ADGRD1: variants seen among roughly 807,000 people sequenced by gnomAD.
ADGRD1 encodes the protein G-protein coupled receptor 133.
Under a neutral mutation model 113.4 loss-of-function variants are expected in ADGRD1, and 77 were observed. The observed-to-expected ratio is 0.68, with a 90% CI of 0.57 to 0.82. The LOEUF is 0.82. Among genes scored for constraint, ADGRD1 ranks in the 40% least tolerant of loss-of-function variants. ADGRD1 has a pLI of 0.00. For synonymous variants in ADGRD1, 474 were observed against 475.0 expected (o/e 1.00, Z 0.03); for missense variants, 1,036 against 1,139.1 (o/e 0.91, Z 1.30).
chr12:131,084,702 C>T lies in ADGRD1; in HGVS notation c.1671+39C>T, dbSNP rs755732953. 26 of 1,608,990 alleles carry T rather than the reference C, an allele frequency of 1.6e-5. No individual in the cohort carries two copies. Among genetic ancestry groups the T allele is most frequent in the East Asian group, 1.6e-4 (7 of 44,742 alleles). Reference sequence around the variant, plus strand: ...CTCAGGGGTCGCGGGACCTGGGGGACGTACCATGAGGCTGCAGGTGGGGGC... The same window carrying T: ...CTCAGGGGTCGCGGGACCTGGGGGATGTACCATGAGGCTGCAGGTGGGGGC... On this transcript the variant is annotated intron_variant, in intron 15 of 24. Transcript: ENST00000261654. This position sits in a 1 kb window ranked among gnomAD's most constrained non-coding sequence, Gnocchi z 4.5.
At chr12:131,028,601 C>G (rs571153908) in intron 13 of ADGRD1, among the ~76,000 whole-genome samples, 2 of 152,284 alleles carry the variant, frequency 1.3e-5, no homozygotes, top group East Asian at 3.9e-4. Flanking sequence ...TCCTTCTCTG[C>G]TTGTTTCTGT....
chr12:131,136,458 G>A (rs1951088689), intron 22 of ADGRD1, among the ~76,000 whole-genome samples: 1 of 152,202 alleles, frequency 6.6e-6, no homozygotes, highest in African/African-American at 2.4e-5. Flanking sequence ...GGAAAGAAAG[G>A]CAGAGAGGTG....
intron 18 of ADGRD1, among the ~76,000 whole-genome samples, chr12:131,116,699 C>G (rs1276179634): frequency 6.6e-6 from 1 of 152,180 alleles, no homozygotes; most frequent in African/African-American, 2.4e-5. Context: ...CCGAGATGTG[C>G]CAGGAGCTGT....
At chr12:131,103,889 C>T (rs1025228214) in intron 15 of ADGRD1, among the ~76,000 whole-genome samples, 3 of 152,184 alleles carry the variant, frequency 2.0e-5, no homozygotes, top group Admixed American at 1.3e-4. Context: ...CCCTCCTGCA[C>T]GTGAGCAGCT....
At chr12:131,103,269 T>C (rs1008517651) in intron 15 of ADGRD1, among the ~76,000 whole-genome samples, 5 of 152,258 alleles carry the variant, frequency 3.3e-5, no homozygotes, top group Admixed American at 6.5e-5. Context: ...GCTGGTGTCA[T>C]GGCAACAGCT....
At chr12:131,030,127 CGGT>C (rs754649827) in intron 13 of ADGRD1, among the ~76,000 whole-genome samples, 12 of 129,258 alleles carry the variant, frequency 9.3e-5, no homozygotes, top group African/African-American at 1.6e-4. Flanking sequence ...ACCCTTCATA[CGGT>C]GACATTCCCA....
rs1452598410 is a variant in ADGRD1 at position 131,084,527 on chromosome 12, C to T, written c.1548-13C>T. The T allele has an allele frequency of 2.5e-6, 4 of 1,613,940 alleles. No homozygotes were observed. The highest frequency in any genetic ancestry group is 1.7e-5 in the Admixed American group (1 of 60,024). The stretch of plus-strand genomic sequence containing the variant: ...GGTGCTACCTCCTCTGATCCTTTCT[C>T]CTGTGTCCTCAGCTCCGGAGAAGGG... On this transcript the variant is annotated splice_polypyrimidine_tract_variant and intron_variant, in intron 14 of 24. Coordinates refer to ENST00000261654, the MANE Select transcript of ADGRD1 (RefSeq NM_198827.5). This position sits in a 1 kb window ranked among gnomAD's most constrained non-coding sequence, Gnocchi z 4.5.
At chr12:131,121,154 G>C (rs1468186690) in intron 20 of ADGRD1, among the ~76,000 whole-genome samples, 1 of 152,218 alleles carries the variant, frequency 6.6e-6, no homozygotes, top group Non-Finnish European at 1.5e-5. Flanking sequence ...TCTTCCAGTC[G>C]AGGCGGCAGG....
chr12:130,990,219 G>A (rs1384224873), intron 6 of ADGRD1: 1 of 152,208 alleles, frequency 6.6e-6, no homozygotes, highest in African/African-American at 2.4e-5. Context: ...CACACCTTCT[G>A]CGTTCACCAG....
chr12:131,062,962 T>G (rs914025108), intron 13 of ADGRD1, among the ~76,000 whole-genome samples: 1 of 152,242 alleles, frequency 6.6e-6, no homozygotes, highest in Non-Finnish European at 1.5e-5. Context: ...TGGTCTTAAT[T>G]TGAATTTTCC....
At chr12:131,066,924 C>T (rs146840167) in intron 13 of ADGRD1, among the ~76,000 whole-genome samples, 14 of 152,274 alleles carry the variant, frequency 9.2e-5, no homozygotes, top group Non-Finnish European at 1.6e-4. Context: ...CTCGGCTTTC[C>T]CCTGAGTAAG....
At chr12:131,061,282 G>A (rs572371883) in intron 13 of ADGRD1, among the ~76,000 whole-genome samples, 6 of 152,276 alleles carry the variant, frequency 3.9e-5, no homozygotes, top group South Asian at 2.1e-4. Context: ...ACCTGGCTTC[G>A]TGAGAACGTT....
rs1411189292 is a variant in ADGRD1 at position 131,139,229 on chromosome 12, A to G, written c.2591A>G (p.His864Arg). Residue 864 changes from histidine (H) to arginine (R), a missense_variant, in exon 25 of 25, where the codon CAC becomes CGC. Physicochemically the swap from His to Arg is conservative, Grantham distance 29. Transcript: ENST00000261654. ...TKLSPWDKSSHSAHRVDLSAV is the reference protein window; with the variant it reads ...TKLSPWDKSSRSAHRVDLSAV Reference sequence around the variant, plus strand: ...CTCAGCCCTTGGGACAAGAGCAGCCACTCTGCCCACCGCGTCGACCTGTCA... The same window carrying G: ...CTCAGCCCTTGGGACAAGAGCAGCCGCTCTGCCCACCGCGTCGACCTGTCA... 1.2e-6 allele frequency: 2 copies of G among 1,612,852 alleles called. No homozygotes were observed. The highest frequency in any genetic ancestry group is 1.7e-4 in the Middle Eastern group (1 of 6,054).
At chr12:131,118,979 C>A (rs1019599127) in intron 19 of ADGRD1, among the ~76,000 whole-genome samples, 2 of 152,146 alleles carry the variant, frequency 1.3e-5, no homozygotes, top group African/African-American at 4.8e-5. Context: ...CCTGTTGCCA[C>A]TTGAAATGCA....
At chr12:131,080,833 G>A (rs999310011) in intron 14 of ADGRD1, among the ~76,000 whole-genome samples, 5 of 152,152 alleles carry the variant, frequency 3.3e-5, no homozygotes, top group African/African-American at 1.2e-4. Flanking sequence ...TGTTAGCCAG[G>A]ATGGTCTCGA....
At chr12:130,968,420 T>G (rs1386143146) in intron 3 of ADGRD1, 1 of 153,648 alleles carries the variant, frequency 6.5e-6, no homozygotes, top group African/African-American at 2.4e-5. Context: ...ACAGCCTTCT[T>G]AAGGGAGAAA....
At chr12:131,135,637 A>T (rs879917734) in intron 21 of ADGRD1, among the ~76,000 whole-genome samples, 2 of 152,188 alleles carry the variant, frequency 1.3e-5, no homozygotes, top group Non-Finnish European at 2.9e-5. Context: ...AGCGTCTCAC[A>T]GGAGGCCTGG....
intron 13 of ADGRD1, among the ~76,000 whole-genome samples, chr12:131,039,637 G>A (rs544545185): frequency 3.1e-4 from 47 of 152,272 alleles, no homozygotes; most frequent in Non-Finnish European, 5.6e-4. Flanking sequence ...GTGCTTTGCC[G>A]TTTCAAACAT....
chr12:131,031,652 C>T (rs1480731666), intron 13 of ADGRD1, among the ~76,000 whole-genome samples: 2 of 152,064 alleles, frequency 1.3e-5, no homozygotes, highest in Non-Finnish European at 1.5e-5. Context: ...TCTGGGGCCC[C>T]TCTCCACCAT....
Sources: allele counts gnomAD v4.1 joint callset (sites outside exome capture counted in the v4.1 genomes callset), GRCh38; gene constraint gnomAD v4.1.1; non-coding constraint Gnocchi (gnomAD v3.1); transcripts MANE v1.5; gene names NCBI Gene and HGNC (gene_info 2026-07-23, HGNC 2026-07-21).